The following KIAA0586 variants were observed in gnomAD, a reference collection of about 807,000 sequenced individuals.
KIAA0586 encodes protein TALPID3.
A neutral mutation model predicts 169.8 loss-of-function variants in KIAA0586; 144 were observed. That is an observed-to-expected ratio of 0.85 (90% confidence interval 0.74 to 0.97). The LOEUF is 0.97. Among genes scored for constraint, KIAA0586 ranks in the 50% least tolerant of loss-of-function variants. KIAA0586 has a pLI of 0.00. For synonymous variants in KIAA0586, 625 were observed against 612.4 expected (o/e 1.02, Z -0.30); for missense variants, 1,854 against 1,823.0 (o/e 1.02, Z -0.31).
At chr14:58,525,549 T>C (rs2045527084) in intron 29 of KIAA0586, among the ~76,000 whole-genome samples, 1 of 152,216 alleles carries the variant, frequency 6.6e-6, no homozygotes. Context: ...GCTTTTCCCA[T>C]GGTCTTTGCA....
At chr14:58,501,556 C>A (rs2043573611) in intron 27 of KIAA0586, among the ~76,000 whole-genome samples, 1 of 152,020 alleles carries the variant, frequency 6.6e-6, no homozygotes, top group African/African-American at 2.4e-5. Flanking sequence ...ATCTGGTAAC[C>A]CTAGCAGATT....
chr14:58,558,421 A>G, the KIAA0586 span, among the ~76,000 whole-genome samples: 3 of 152,164 alleles, frequency 2.0e-5, no homozygotes, highest in African/African-American at 7.2e-5. Context: ...TTTTCTGCCA[A>G]TTTCATTAAG....
At chr14:58,447,019 A>G (rs1210588096) in intron 6 of KIAA0586, among the ~76,000 whole-genome samples, 2 of 152,188 alleles carry the variant, frequency 1.3e-5, no homozygotes, top group Non-Finnish European at 2.9e-5. Context: ...CCATCCTTCC[A>G]TAACTAAATC....
downstream of KIAA0586, among the ~76,000 whole-genome samples, chr14:58,554,653 A>C (rs2047233392): frequency 6.6e-6 from 1 of 152,202 alleles, no homozygotes; most frequent in East Asian, 1.9e-4. Flanking sequence ...GGGATTTTTG[A>C]TACTTTAGAC....
At position 58,492,217 on chromosome 14, in the gene KIAA0586, C is replaced by A; in HGVS notation, c.3932C>A (p.Ser1311Tyr). The A allele has an allele frequency of 1.3e-6, 2 of 1,550,876 alleles. No homozygotes were observed. The highest frequency in any genetic ancestry group is 1.7e-6 in the Non-Finnish European group (2 of 1,146,512). The change falls in exon 26 of 31, where the codon TCT becomes TAT. Residue 1311 changes from serine (S) to tyrosine (Y), a missense_variant. Physicochemically the swap from Ser to Tyr is moderately radical, Grantham distance 144. Transcript: ENST00000652326. ...HKKFHADAIL[S>Y]FAKQNQESAV... ...AAATTTCATGCAGATGCAATTCTTT[C>A]TTTTGCTAAACAAAACCAGGAGTCA...
In KIAA0586 at chr14:58,482,664, T is replaced by TG. The variant is rs1364954371; in HGVS notation, c.3097dup (p.Ala1033GlyfsTer12). On this transcript the variant is annotated frameshift_variant, in exon 21 of 31. Transcript: ENST00000652326. LOFTEE classifies it high-confidence loss of function. ...GAGAAGCAAAGAAGCAAGGTCCTGT[T>TG]GCTACAGGTGTTTCTGGGGATGCTT... 8 of 1,597,660 alleles carry TG rather than the reference T, an allele frequency of 5.0e-6. No homozygotes were observed. Among genetic ancestry groups the TG allele is most frequent in the Non-Finnish European group, 6.8e-6 (8 of 1,172,938 alleles).
At position 58,540,054 on chromosome 14, in the gene KIAA0586, A is replaced by C. The variant is rs1332177072; in HGVS notation, c.4430-17A>C. The C allele has an allele frequency of 8.7e-6, 13 of 1,491,656 alleles. No individual in the cohort carries two copies. Among genetic ancestry groups the C allele is most frequent in the Non-Finnish European group, 1.1e-5 (12 of 1,094,318 alleles). The allele number at this position is 1,491,656 out of a possible 1,614,324, so 92.4% of individuals were successfully genotyped here. A position where few individuals can be genotyped will look rare whatever the true frequency, so the allele number is the denominator to read the frequency against. Reference sequence around the variant, plus strand: ...TGCTTAACTGATTTTCTTCTGAAAAAATAAATTTTTATGTAGTTTCACCAG... The same window carrying C: ...TGCTTAACTGATTTTCTTCTGAAAACATAAATTTTTATGTAGTTTCACCAG... On this transcript the variant is annotated splice_polypyrimidine_tract_variant and intron_variant, in intron 29 of 30. Coordinates refer to ENST00000652326, the MANE Select transcript of KIAA0586 (RefSeq NM_001329943.3).
chr14:58,547,800 C>T lies in KIAA0586; in HGVS notation c.4515C>T (p.Leu1505=). The T allele has an allele frequency of 6.2e-7, 1 of 1,613,260 alleles. No homozygotes were observed. Among genetic ancestry groups the T allele is most frequent in the South Asian group, 1.1e-5 (1 of 91,040 alleles). ...GTGCAGGTGGGAAAGCAGTGCCACT[C>T]TCCGCTTCACAGATGCCCCCTGCCA... ...CVFSGGKAVP[L]SASQMPPAKM... Residue 1505 remains leucine (L), a synonymous_variant, in exon 31 of 31, where the codon CTC becomes CTT. Coordinates refer to ENST00000652326, the MANE Select transcript of KIAA0586 (RefSeq NM_001329943.3).
At chr14:58,547,203 T>A (rs2047038611) in intron 30 of KIAA0586, among the ~76,000 whole-genome samples, 1 of 152,142 alleles carries the variant, frequency 6.6e-6, no homozygotes, top group Admixed American at 6.5e-5. Context: ...CTTTAATTTC[T>A]GGCTATTATA....
At chr14:58,458,411 A>T in intron 11 of KIAA0586, 62 bp from the exon 12 acceptor site, 1 of 870,628 alleles carries the variant, frequency 1.1e-6, no homozygotes, top group South Asian at 1.6e-5. Context: ...GTTAGATCTG[A>T]TCCAAGTCCT....
rs1164063700 is a variant in KIAA0586 at position 58,498,913 on chromosome 14, A to G, written c.4121A>G (p.Gln1374Arg). The change falls in exon 27 of 31, where the codon CAA (glutamine) becomes CGA (arginine). Residue 1374 changes from glutamine (Q) to arginine (R), a missense_variant. Gln to Arg is a conservative substitution (Grantham distance 43). Coordinates refer to ENST00000652326, the MANE Select transcript of KIAA0586 (RefSeq NM_001329943.3). Reference protein sequence around the residue: ...PPVTNTQSLDQQCDPKPLSRQ... With the variant: ...PPVTNTQSLDRQCDPKPLSRQ... ...GTCACTAATACACAGTCTTTGGATC[A>G]ACAATGTGATCCTAAACCATTATCT... The G allele has an allele frequency of 6.2e-7, 1 of 1,611,036 alleles. No homozygotes were observed. The highest frequency in any genetic ancestry group is 8.5e-7 in the Non-Finnish European group (1 of 1,178,760).
Position 58,448,510 on chromosome 14 carries a change from C to G in KIAA0586, c.961+17C>G. 6.5e-7 allele frequency: 1 copy of G among 1,549,752 alleles called. No individual in the cohort carries two copies. The highest frequency in any genetic ancestry group is 1.7e-4 in the Middle Eastern group (1 of 5,878). ...CCAAACAAGGTAAAAATATGTAGTT[C>G]TCTATGAATAAAAAATGTCAGCTGT... On this transcript the variant is annotated intron_variant, in intron 7 of 30. Coordinates refer to ENST00000652326, the MANE Select transcript of KIAA0586 (RefSeq NM_001329943.3).
rs182573750 is a variant in KIAA0586 at position 58,528,467 on chromosome 14, C to T, written c.4430-11604C>T. Among the ~76,000 whole-genome samples, 4 of 152,312 alleles carry T rather than the reference C, an allele frequency of 2.6e-5. No individual in the cohort carries two copies. In the South Asian group the frequency reaches 6.2e-4, roughly 24 times the overall value. On this transcript the variant is annotated intron_variant, in intron 29 of 30. Transcript: ENST00000652326. ...ATATAATTGGAAGTAAAACACTCCTCAGCAAATGCAAAAGAACAGAAATCA... is the reference window on the plus strand; with the variant it reads ...ATATAATTGGAAGTAAAACACTCCTTAGCAAATGCAAAAGAACAGAAATCA...
rs1614980 is a variant in KIAA0586 at position 58,486,749 on chromosome 14, C to T, written c.3145-258C>T. ...AACACTTATACACTGTTGGTAGGAA[C>T]GTAAATTACTTCTTCTCTATTTTAA... On this transcript the variant is annotated intron_variant, in intron 21 of 30. Transcript: ENST00000652326. Among the ~76,000 whole-genome samples, 148,785 of 152,334 alleles carry T rather than the reference C, an allele frequency of 0.98. 72,756 individuals are homozygous for T. Among genetic ancestry groups the T allele is most frequent in the Non-Finnish European group, 1 (68,001 of 68,036 alleles).
chr14:58,507,552 C>T (rs979458910), intron 27 of KIAA0586, among the ~76,000 whole-genome samples: 1 of 151,694 alleles, frequency 6.6e-6, no homozygotes, highest in Admixed American at 6.6e-5. Flanking sequence ...TGATTTTGGA[C>T]AGTTAGTTAA....
intron 6 of KIAA0586, among the ~76,000 whole-genome samples, chr14:58,446,312 AT>A (rs1309531669): frequency 6.6e-6 from 1 of 151,788 alleles, no homozygotes; most frequent in Non-Finnish European, 1.5e-5. Context: ...CCTGGCCAAC[AT>A]GGTGAAACCT....
chr14:58,537,703 A>T (rs1193601050), intron 29 of KIAA0586, among the ~76,000 whole-genome samples: 3 of 151,984 alleles, frequency 2.0e-5, no homozygotes, highest in Non-Finnish European at 4.4e-5. Flanking sequence ...GCTGGAGTGC[A>T]GTGGCGTGAT....
intron 17 of KIAA0586, among the ~76,000 whole-genome samples, chr14:58,471,607 C>T (rs1370131260): frequency 6.6e-6 from 1 of 151,880 alleles, no homozygotes; most frequent in African/African-American, 2.4e-5. Context: ...TAGAACTGTC[C>T]GTAAGTGACA....
chr14:58,484,914 A>ATTTT (rs1401262639), intron 21 of KIAA0586, among the ~76,000 whole-genome samples: 1 of 14,614 alleles, frequency 6.8e-5, no homozygotes, highest in African/African-American at 2.2e-4. Flanking sequence ...ATATATATAT[A>ATTTT]TATATATATA....
Sources: allele counts gnomAD v4.1 joint callset (sites outside exome capture counted in the v4.1 genomes callset), GRCh38; gene constraint gnomAD v4.1.1; transcripts MANE v1.5; gene names NCBI Gene and HGNC (gene_info 2026-07-23, HGNC 2026-07-21).